The following SLC25A51 variants were observed in gnomAD, a reference collection of about 807,000 sequenced individuals.
The protein encoded by SLC25A51 is solute carrier family 25 member 51, also known as mitochondrial nicotinamide adenine dinucleotide transporter SLC25A51.
In SLC25A51, 11 loss-of-function variants were observed where a neutral mutation model predicts 19.1. The observed-to-expected ratio is 0.58, with a 90% CI of 0.36 to 0.96. The LOEUF is 0.96. Ranked by LOEUF, SLC25A51 falls within the 40% of genes least tolerant of loss-of-function variation. SLC25A51 has a pLI of 0.01. For missense variants in SLC25A51, 201 were observed against 365.4 expected (o/e 0.55, Z 3.67); for synonymous variants, 105 against 133.6 (o/e 0.79, Z 1.47).
intron 2 of SLC25A51, among the ~76,000 whole-genome samples, chr9:37,882,354 A>C (rs1831365260): frequency 6.6e-6 from 1 of 152,222 alleles, no homozygotes; most frequent in Non-Finnish European, 1.5e-5. Context: ...CTTCACTCGA[A>C]GCCCTCTAGA....
intron 2 of SLC25A51, among the ~76,000 whole-genome samples, chr9:37,897,146 A>C (rs1163243121): frequency 2.6e-5 from 4 of 152,072 alleles, no homozygotes; most frequent in Non-Finnish European, 5.9e-5. Context: ...AAAGCATTAA[A>C]ATTTTCTTCA....
chr9:37,886,512 G>A (rs866773992), downstream of SLC25A51: 18 of 1,128,266 alleles, frequency 1.6e-5, no homozygotes, highest in Middle Eastern at 8.1e-4. Flanking sequence ...GGGGCAGTGC[G>A]CAGCTTCTGA....
At chr9:37,895,840 G>C (rs1831703527) in intron 2 of SLC25A51, among the ~76,000 whole-genome samples, 1 of 148,416 alleles carries the variant, frequency 6.7e-6, no homozygotes, top group Non-Finnish European at 1.5e-5. Context: ...TTTTGAGAGA[G>C]TCTCACTCTA....
downstream of SLC25A51, chr9:37,886,499 G>A: frequency 8.0e-7 from 1 of 1,242,422 alleles, no homozygotes; most frequent in Non-Finnish European, 1.1e-6. Context: ...GCTGTGACTG[G>A]GTGGGGCAGT....
At chr9:37,891,505 G>A (rs1180639013) in intron 2 of SLC25A51, among the ~76,000 whole-genome samples, 2 of 152,202 alleles carry the variant, frequency 1.3e-5, no homozygotes, top group Non-Finnish European at 2.9e-5. Flanking sequence ...ATTTTGTTCT[G>A]TACTAAGAAA....
chr9:37,879,564 A>G (rs1831312161), exon 4 of SLC25A51: 1 of 153,138 alleles, frequency 6.5e-6, no homozygotes, highest in African/African-American at 2.4e-5. Context: ...TAATTAGAGA[A>G]CACAAATAAA....
chr9:37,885,514 C>T (rs568574770), downstream of SLC25A51, among the ~76,000 whole-genome samples: 28 of 152,242 alleles, frequency 1.8e-4, no homozygotes, highest in African/African-American at 5.8e-4. Flanking sequence ...CTCAGCCTCC[C>T]GAGTAGCTAG....
downstream of SLC25A51, among the ~76,000 whole-genome samples, chr9:37,883,167 C>T (rs1056048966): frequency 6.6e-6 from 1 of 152,214 alleles, no homozygotes; most frequent in Non-Finnish European, 1.5e-5. Context: ...GTTGTTACCA[C>T]ACTAGTTCAC....
downstream of SLC25A51, among the ~76,000 whole-genome samples, chr9:37,887,370 C>T (rs965255858): frequency 7.3e-5 from 11 of 150,548 alleles, no homozygotes; most frequent in African/African-American, 2.0e-4. Flanking sequence ...TAAGGAGAAA[C>T]TTTTAACCAC....
intron 2 of SLC25A51, among the ~76,000 whole-genome samples, chr9:37,882,313 C>T (rs1463454499): frequency 6.6e-6 from 1 of 152,234 alleles, no homozygotes; most frequent in Admixed American, 6.5e-5. Flanking sequence ...ACTTCATCTA[C>T]ACTGAACCAG....
chr9:37,900,437 A>C (rs1210245427), intron 1 of SLC25A51, among the ~76,000 whole-genome samples: 1 of 151,438 alleles, frequency 6.6e-6, no homozygotes, highest in African/African-American at 2.4e-5. Flanking sequence ...CGACACAGCA[A>C]GACTCTATCC....
At chr9:37,886,282 C>G (rs994399839), downstream of SLC25A51, 1 of 1,613,614 alleles carries the variant, frequency 6.2e-7, no homozygotes, top group Non-Finnish European at 8.5e-7. Flanking sequence ...ATGAGCTATA[C>G]CAGCGGGCCA....
exon 4 of SLC25A51, chr9:37,880,337 TGAA>T (rs1831326975): frequency 6.6e-6 from 1 of 151,658 alleles, no homozygotes; most frequent in Non-Finnish European, 1.5e-5. Flanking sequence ...ATTGACAATA[TGAA>T]GAATAGATTG....
chr9:37,902,387 T>G (rs1831867158), intron 1 of SLC25A51, among the ~76,000 whole-genome samples: 1 of 152,200 alleles, frequency 6.6e-6, no homozygotes. Flanking sequence ...TACATTGAGA[T>G]TCTCAGATTT....
chr9:37,896,800 A>G (rs994583677), intron 2 of SLC25A51, among the ~76,000 whole-genome samples: 2 of 152,220 alleles, frequency 1.3e-5, no homozygotes, highest in East Asian at 1.9e-4. Context: ...CTGTCTCAAT[A>G]AATAAATATT....
chr9:37,885,927 A>T, downstream of SLC25A51: 2 of 1,600,100 alleles, frequency 1.2e-6, no homozygotes, highest in East Asian at 4.5e-5. Flanking sequence ...TACTTCAATG[A>T]TAAAACCATT....
Position 37,888,267 on chromosome 9 carries a change from A to G in SLC25A51, c.284T>C (p.Leu95Pro). The change falls in exon 3 of 3, where the codon CTT becomes CCT. Residue 95 changes from leucine to proline, a missense_variant. Leu to Pro is a moderately conservative substitution (Grantham distance 98). Transcript: ENST00000242275. The part of the protein sequence containing the change: ...LPPLMQKTTT[L>P]ALMFGLYEDL... ...CTCATACAGACCAAACATAAGTGCAAGCGTAGTTGTCTTCTGCATCAATGG... is the reference window on the plus strand; with the variant it reads ...CTCATACAGACCAAACATAAGTGCAGGCGTAGTTGTCTTCTGCATCAATGG... The G allele has an allele frequency of 6.2e-7, 1 of 1,614,256 alleles. No homozygotes were observed. The highest frequency in any genetic ancestry group is 8.5e-7 in the Non-Finnish European group (1 of 1,180,054).
chr9:37,897,445 T>C (rs1211152380), intron 2 of SLC25A51, among the ~76,000 whole-genome samples: 1 of 152,076 alleles, frequency 6.6e-6, no homozygotes, highest in Non-Finnish European at 1.5e-5. Context: ...TCTTGGGTAT[T>C]AAGGTTAGAA....
intron 1 of SLC25A51, among the ~76,000 whole-genome samples, chr9:37,900,288 A>G (rs979851666): frequency 1.3e-5 from 2 of 151,946 alleles, no homozygotes; most frequent in African/African-American, 4.8e-5. Context: ...ATCTCTACGA[A>G]AAATCCAAAA....
Sources: gnomAD v4.1 joint callset for allele counts (sites outside exome capture counted in the v4.1 genomes callset) on GRCh38, gnomAD v4.1.1 for gene constraint, MANE v1.5 for transcripts, NCBI Gene and HGNC (gene_info 2026-07-23, HGNC 2026-07-21) for gene names.